The following SEC23A variants were observed in gnomAD, a reference collection of about 807,000 sequenced individuals.
SEC23A encodes the protein protein transport protein Sec23A.
A neutral mutation model predicts 103.7 loss-of-function variants in SEC23A; 56 were observed. The ratio of observed to expected loss-of-function variants is 0.54; its 90% CI spans 0.44 to 0.67. The LOEUF is 0.67. SEC23A is among the 30% of genes least tolerant of loss of function. SEC23A has a pLI of 0.00. For missense variants in SEC23A, 784 were observed against 936.4 expected, an observed-to-expected ratio of 0.84 and a Z score of 2.12; for synonymous variants, 281 against 293.0, an observed-to-expected ratio of 0.96 and a Z score of 0.42.
chr14:39,053,290 C>T (rs1470795352), intron 14 of SEC23A, among the ~76,000 whole-genome samples: 1 of 152,154 alleles, frequency 6.6e-6, no homozygotes, highest in Non-Finnish European at 1.5e-5. Flanking sequence ...GACGAGTTAA[C>T]AGGTTTCAAT....
chr14:39,089,097 T>G (rs1211672766), intron 5 of SEC23A, among the ~76,000 whole-genome samples: 1 of 138,026 alleles, frequency 7.2e-6, no homozygotes, highest in East Asian at 2.1e-4. Context: ...TCGCTCGAAC[T>G]AAGGAGGCGG....
At chr14:39,065,662 A>G (rs919952163) in intron 10 of SEC23A, among the ~76,000 whole-genome samples, 2 of 152,058 alleles carry the variant, frequency 1.3e-5, no homozygotes, top group East Asian at 3.9e-4. Flanking sequence ...CTCTCCTCAC[A>G]CTGGGTTCCT....
At chr14:39,074,031 G>A (rs998016160) in intron 9 of SEC23A, among the ~76,000 whole-genome samples, 1 of 152,154 alleles carries the variant, frequency 6.6e-6, no homozygotes, top group African/African-American at 2.4e-5. Context: ...TAGTTTCTAG[G>A]GTAATGCAAA....
At chr14:39,046,611 C>A (rs1022156653) in intron 15 of SEC23A, among the ~76,000 whole-genome samples, 5 of 151,992 alleles carry the variant, frequency 3.3e-5, no homozygotes, top group African/African-American at 4.8e-5. Flanking sequence ...TAAAAAAAAA[C>A]AACCACATAT....
At chr14:39,054,705 T>C (rs1196710637) in intron 14 of SEC23A, among the ~76,000 whole-genome samples, 1 of 152,168 alleles carries the variant, frequency 6.6e-6, no homozygotes, top group African/African-American at 2.4e-5. Context: ...TGGTTCAAAG[T>C]GCTGGGATTA....
intron 17 of SEC23A, 48 bp from the exon 18 acceptor site, chr14:39,040,935 C>T (rs1351884484): frequency 1.3e-6 from 2 of 1,545,048 alleles, no homozygotes; most frequent in Admixed American, 2.0e-5. Flanking sequence ...CTTGCCCATC[C>T]AAAAATCTTG....
At chr14:39,057,806 G>T (rs990758594) in intron 13 of SEC23A, among the ~76,000 whole-genome samples, 3 of 152,100 alleles carry the variant, frequency 2.0e-5, no homozygotes, top group African/African-American at 7.2e-5. Flanking sequence ...AAAAATAAAG[G>T]TTTTCTCTCA....
In SEC23A at chr14:39,102,023, G is replaced by A. The variant is rs536615283; in HGVS notation, c.-22+1009C>T. ...GAGGCGGGCGGATCACCTGAGGTCAGGAGTTCGAGACCAGCCTGGCCAACA... is the reference window on the plus strand; with the variant it reads ...GAGGCGGGCGGATCACCTGAGGTCAAGAGTTCGAGACCAGCCTGGCCAACA... On this transcript the variant is annotated intron_variant, in intron 1 of 19. Transcript: ENST00000307712. 2.6e-4 allele frequency among the ~76,000 whole-genome samples: 40 copies of A among 152,246 alleles called. No individual in the cohort carries two copies. The South Asian group carries it at 7.9e-3, about 30-fold the overall frequency.
intron 1 of SEC23A, among the ~76,000 whole-genome samples, chr14:39,100,750 G>A (rs1213408031): frequency 6.6e-6 from 1 of 151,776 alleles, no homozygotes; most frequent in Non-Finnish European, 1.5e-5. Context: ...TATTTGATAA[G>A]CACTCTCTCC....
At chr14:39,088,923 C>A (rs2139282251) in intron 5 of SEC23A, among the ~76,000 whole-genome samples, 1 of 152,074 alleles carries the variant, frequency 6.6e-6, no homozygotes, top group South Asian at 2.1e-4. Context: ...AATCCCAGCA[C>A]TTTGGGAGGC....
Position 39,033,338 on chromosome 14 carries a change from A to AG in SEC23A, c.2209-11_2209-10insC, listed in dbSNP as rs745748998. ...TAGGTGCTCCAGACTCCTAGAGGAA[A>AG]AAAGATATTTGTTATGATTAAAGCA... On this transcript the variant is annotated splice_polypyrimidine_tract_variant and intron_variant, in intron 19 of 19. Transcript: ENST00000307712. 6.5e-7 allele frequency: 1 copy of AG among 1,545,322 alleles called. No homozygotes were observed. Among genetic ancestry groups the AG allele is most frequent in the South Asian group, 1.1e-5 (1 of 89,650 alleles).
chr14:39,067,479 T>C (rs1886708388), intron 9 of SEC23A, among the ~76,000 whole-genome samples, 183 bp from the exon 10 acceptor site: 1 of 151,978 alleles, frequency 6.6e-6, no homozygotes, highest in Admixed American at 6.6e-5. Context: ...CCACAAATAA[T>C]CTCAATTCCG....
At chr14:39,092,688 T>C (rs1046059044) in intron 3 of SEC23A, 61 bp from the exon 4 acceptor site, 1 of 956,216 alleles carries the variant, frequency 1.0e-6, no homozygotes, top group African/African-American at 1.7e-5. Flanking sequence ...ATTAATAAAA[T>C]TTTAAACAAA....
intron 7 of SEC23A, among the ~76,000 whole-genome samples, chr14:39,079,226 T>C (rs1014491449): frequency 3.9e-5 from 6 of 151,998 alleles, no homozygotes; most frequent in Middle Eastern, 3.2e-3. Context: ...TGTTTGAATA[T>C]AGAAGAACTC....
In SEC23A at chr14:39,042,755, T is replaced by A. The variant is rs767295894; in HGVS notation, c.1986+31A>T. 2.2e-6 allele frequency: 3 copies of A among 1,372,646 alleles called. No homozygotes were observed. In the South Asian group the frequency reaches 3.5e-5, roughly 16 times the overall value. 85.0% of individuals were successfully genotyped at this position (1,372,646 alleles called of 1,614,324 possible). Reference sequence around the variant, plus strand: ...CCTTTCTAAGTAAAAAGACTTTACATGCATAGCTTTAAATGCTATTGAAAT... The same window carrying A: ...CCTTTCTAAGTAAAAAGACTTTACAAGCATAGCTTTAAATGCTATTGAAAT... On this transcript the variant is annotated intron_variant, in intron 17 of 19. Transcript: ENST00000307712.
intron 6 of SEC23A, among the ~76,000 whole-genome samples, 183 bp downstream of exon 6, chr14:39,086,746 C>CA: frequency 6.6e-6 from 1 of 152,112 alleles, no homozygotes; most frequent in South Asian, 2.1e-4. Context: ...ATTGTTAAGA[C>CA]AAAAAACAAA....
intron 7 of SEC23A, among the ~76,000 whole-genome samples, chr14:39,081,277 A>G (rs1340999529): frequency 6.6e-6 from 1 of 151,338 alleles, no homozygotes; most frequent in African/African-American, 2.4e-5. Flanking sequence ...AACCTCCAGG[A>G]AAAAAAAATT....
chr14:39,049,594 T>C (rs1885973453), intron 14 of SEC23A, among the ~76,000 whole-genome samples: 1 of 151,336 alleles, frequency 6.6e-6, no homozygotes, highest in Non-Finnish European at 1.5e-5. Context: ...TTGGGCAACA[T>C]AGCGAGATCC....
chr14:39,040,543 C>T (rs1885603835), intron 18 of SEC23A, 189 bp downstream of exon 18: 2 of 665,872 alleles, frequency 3.0e-6, no homozygotes, highest in African/African-American at 3.6e-5. Context: ...GTTTAGGCAA[C>T]TAGTCAATAA....
Sources: gnomAD v4.1 joint callset for allele counts (sites outside exome capture counted in the v4.1 genomes callset) on GRCh38, gnomAD v4.1.1 for gene constraint, MANE v1.5 for transcripts, NCBI Gene and HGNC (gene_info 2026-07-23, HGNC 2026-07-21) for gene names.